Variants in STK32A observed in about 807,000 individuals in gnomAD.
STK32A encodes the protein serine/threonine-protein kinase 32A.
STK32A carries 41 observed loss-of-function variants against 53.2 expected under a neutral mutation model. The observed-to-expected ratio is 0.77, with a 90% confidence interval of 0.60 to 1.00. STK32A has a LOEUF of 1.00. Ranked by LOEUF, STK32A falls within the 50% of genes least tolerant of loss-of-function variation. The pLI is 0.00. For synonymous variants in STK32A, 166 were observed against 162.8 expected (o/e 1.02, Z -0.15); for missense variants, 458 against 485.8 (o/e 0.94, Z 0.54).
Position 147,386,802 on chromosome 5 carries a change from C to A in STK32A, c.*2819C>A, listed in dbSNP as rs1256649607. ...TATCTGACAGTGCTGATTGTAATCA[C>A]CTCCCACCACTGTGCATTTTAAACA... On this transcript the variant is annotated 3_prime_UTR_variant, in exon 13 of 13. Coordinates refer to ENST00000397936, the MANE Select transcript of STK32A (RefSeq NM_001112724.2). The A allele has an allele frequency of 1.3e-5, 2 of 152,186 alleles. No homozygotes were observed. The highest frequency in any genetic ancestry group is 4.8e-5 in the African/African-American group (2 of 41,448). 9.4% of individuals were successfully genotyped at this position (152,186 alleles called of 1,614,324 possible). A position where few individuals can be genotyped will look rare whatever the true frequency, so the allele number is the denominator to read the frequency against.
At chr5:147,252,392 T>C (rs1332128206) in intron 2 of STK32A, among the ~76,000 whole-genome samples, 1 of 152,334 alleles carries the variant, frequency 6.6e-6, no homozygotes, top group Non-Finnish European at 1.5e-5. Flanking sequence ...TGTTTAAGTC[T>C]TATGTTCCTA....
chr5:147,321,064 G>C (rs749176892), intron 4 of STK32A, among the ~76,000 whole-genome samples: 4 of 152,218 alleles, frequency 2.6e-5, no homozygotes, highest in Non-Finnish European at 5.9e-5. Flanking sequence ...GATGGAGTAG[G>C]GTTGGAATAG....
chr5:147,397,649 G>A, the STK32A span: 1 of 1,609,624 alleles, frequency 6.2e-7, no homozygotes, highest in African/African-American at 1.3e-5. Context: ...CCACCTCAGA[G>A]CTCCAATGCT....
downstream of STK32A, among the ~76,000 whole-genome samples, chr5:147,389,974 T>G (rs1184778972): frequency 6.6e-6 from 1 of 152,232 alleles, no homozygotes; most frequent in Non-Finnish European, 1.5e-5. Context: ...GGTCTAGCAC[T>G]TAGATCCAAC....
chr5:147,341,389 A>G (rs1270175580), intron 5 of STK32A, among the ~76,000 whole-genome samples: 1 of 152,164 alleles, frequency 6.6e-6, no homozygotes. Flanking sequence ...TAAGTTCTTC[A>G]TTTACTGACC....
chr5:147,318,005 C>A (rs1218274705), intron 4 of STK32A, among the ~76,000 whole-genome samples: 1 of 152,040 alleles, frequency 6.6e-6, no homozygotes, highest in Non-Finnish European at 1.5e-5. Flanking sequence ...TAAGTAAAAA[C>A]CAAAATGATT....
At chr5:147,381,154 A>G (rs1757436643) in intron 11 of STK32A, among the ~76,000 whole-genome samples, 1 of 152,128 alleles carries the variant, frequency 6.6e-6, no homozygotes. Flanking sequence ...CTCACTTTTC[A>G]AGAACAGTTC....
At chr5:147,290,728 G>A (rs1407488073) in intron 4 of STK32A, among the ~76,000 whole-genome samples, 1 of 152,146 alleles carries the variant, frequency 6.6e-6, no homozygotes, top group East Asian at 1.9e-4. Context: ...GGTCCTTTCA[G>A]ACTCTGAACA....
rs572137142 is a variant in STK32A, at chr5:147,315,905, A to G, written c.261-7993A>G. ...CTAGAAAACAAAATTAAATCTTAAA[A>G]CAATCCCAAAAATGGAATGTAAAAA... On this transcript the variant is annotated intron_variant, in intron 4 of 12. Transcript: ENST00000397936. Among the ~76,000 whole-genome samples, 4 of 152,314 alleles carry G rather than the reference A, an allele frequency of 2.6e-5. No homozygotes were observed. The South Asian group carries it at 6.2e-4, about 24-fold the overall frequency.
At chr5:147,342,764 T>G in intron 5 of STK32A, 1 of 504,044 alleles carries the variant, frequency 2.0e-6, no homozygotes, top group Non-Finnish European at 3.5e-6. Flanking sequence ...GAGGCCTTGG[T>G]TCAGAGCCCA....
chr5:147,304,430 G>C (rs1371527702), intron 4 of STK32A, among the ~76,000 whole-genome samples: 1 of 152,194 alleles, frequency 6.6e-6, no homozygotes, highest in African/African-American at 2.4e-5. Context: ...TAGTAATTCA[G>C]ATAGAGCTCT....
chr5:147,282,384 A>G (rs1303181356), intron 4 of STK32A, among the ~76,000 whole-genome samples: 1 of 152,102 alleles, frequency 6.6e-6, no homozygotes, highest in Non-Finnish European at 1.5e-5. Flanking sequence ...TTTTGGAAAA[A>G]AACCCAAAGT....
chr5:147,239,550 A>C lies in STK32A; in HGVS notation c.-85A>C. ...TTTTCCTATCCTAGATATCCAACTA[A>C]GGCTTCGGGACATGTTTTGAGCGAA... is the stretch of plus-strand genomic sequence containing the variant. On this transcript the variant is annotated 5_prime_UTR_variant, in exon 2 of 13. Coordinates refer to ENST00000397936, the MANE Select transcript of STK32A (RefSeq NM_001112724.2). 1 of 1,051,666 alleles carries C rather than the reference A, an allele frequency of 9.5e-7. No homozygotes were observed. Among genetic ancestry groups the C allele is most frequent in the Non-Finnish European group, 1.4e-6 (1 of 713,464 alleles). 65.1% of individuals were successfully genotyped at this position (1,051,666 alleles called of 1,614,324 possible).
chr5:147,382,736 C>A (rs527899450), intron 11 of STK32A, among the ~76,000 whole-genome samples: 1 of 152,272 alleles, frequency 6.6e-6, no homozygotes, highest in South Asian at 2.1e-4. Context: ...TTCTAATTTT[C>A]CCTACACATG....
chr5:147,399,252 C>T, the STK32A span: 4 of 1,613,642 alleles, frequency 2.5e-6, no homozygotes, highest in Non-Finnish European at 2.5e-6. Flanking sequence ...TTCCCTGTGG[C>T]CTATTGAAAT....
intron 2 of STK32A, among the ~76,000 whole-genome samples, chr5:147,269,270 C>A (rs1754932497): frequency 1.3e-5 from 2 of 152,060 alleles, no homozygotes; most frequent in Admixed American, 1.3e-4. Flanking sequence ...ACTGTAGGAC[C>A]CCTGAAGGCA....
At chr5:147,380,115 G>A (rs1757394228) in intron 11 of STK32A, among the ~76,000 whole-genome samples, 1 of 151,966 alleles carries the variant, frequency 6.6e-6, no homozygotes, top group South Asian at 2.1e-4. Context: ...TTACATAGTA[G>A]AGGGAAAAAA....
intron 6 of STK32A, among the ~76,000 whole-genome samples, chr5:147,348,087 A>G (rs1755773755): frequency 6.6e-6 from 1 of 152,198 alleles, no homozygotes; most frequent in Admixed American, 6.5e-5. Flanking sequence ...ATAGTCTGAC[A>G]AAGGGATTCT....
the STK32A span, among the ~76,000 whole-genome samples, chr5:147,395,965 G>C: frequency 6.6e-6 from 1 of 152,150 alleles, no homozygotes; most frequent in African/African-American, 2.4e-5. Flanking sequence ...AAGGATCAAA[G>C]GACGTTGCTA....
Sources: allele counts gnomAD v4.1 joint callset (sites outside exome capture counted in the v4.1 genomes callset), GRCh38; gene constraint gnomAD v4.1.1; transcripts MANE v1.5; gene names NCBI Gene and HGNC (gene_info 2026-07-23, HGNC 2026-07-21).